TRAPPC12: variants seen among roughly 807,000 people sequenced by gnomAD.
TRAPPC12 encodes the protein trafficking protein particle complex subunit 12, also known as TPR repeat protein 15.
A neutral mutation model predicts 69.2 loss-of-function variants in TRAPPC12; 61 were observed. The observed-to-expected ratio is 0.88, with a 90% CI of 0.72 to 1.09. The LOEUF is 1.09. TRAPPC12 is among the 50% of genes least tolerant of loss of function. The pLI, the probability that TRAPPC12 is intolerant of heterozygous loss-of-function variation, is 0.00. For synonymous variants in TRAPPC12, 469 were observed against 438.9 expected (o/e 1.07, Z -0.86); for missense variants, 1,101 against 1,016.4 (o/e 1.08, Z -1.13).
At position 3,387,673 on chromosome 2, in the gene TRAPPC12, AC is replaced by A. The variant is rs757636155; in HGVS notation, c.56del (p.Pro19LeufsTer44). The A allele has an allele frequency of 5.8e-6, 9 of 1,555,848 alleles. No homozygotes were observed. In the South Asian group the frequency reaches 7.1e-5, roughly 12 times the overall value. On this transcript the variant is annotated frameshift_variant, in exon 2 of 12. Transcript: ENST00000324266. LOFTEE classifies it high-confidence loss of function. ...GAGACCCCGGCCCCGGAGGCCCCGC[AC>A]CCCCCTCAGCTCGCGCCTCCGGAGG... is the stretch of plus-strand genomic sequence containing the variant. The part of the protein sequence containing the change: ...GEETPAPEAP[H>X]PPQLAPPEEQ...
intron 2 of TRAPPC12, among the ~76,000 whole-genome samples, chr2:3,391,558 T>C (rs1376426311): frequency 6.6e-6 from 1 of 152,232 alleles, no homozygotes; most frequent in East Asian, 1.9e-4. Flanking sequence ...TTACTAATAT[T>C]CATTTACTAT....
intron 3 of TRAPPC12, among the ~76,000 whole-genome samples, chr2:3,403,571 A>G (rs1661572027): frequency 6.6e-6 from 1 of 152,228 alleles, no homozygotes; most frequent in South Asian, 2.1e-4. Flanking sequence ...TCCTAAAGAT[A>G]TAATAGTTGA....
intron 2 of TRAPPC12, among the ~76,000 whole-genome samples, chr2:3,394,512 T>A (rs1661008032): frequency 3.3e-5 from 5 of 151,880 alleles, no homozygotes; most frequent in Non-Finnish European, 7.4e-5. Flanking sequence ...TCCCAGCTAC[T>A]TGCGAGGCTG....
chr2:3,395,729 A>ATTTTTT (rs374787114), intron 2 of TRAPPC12, among the ~76,000 whole-genome samples: 1 of 137,342 alleles, frequency 7.3e-6, no homozygotes, highest in African/African-American at 2.7e-5. Flanking sequence ...CGCCCAGCTA[A>ATTTTTT]TTTTTTTTTT....
At chr2:3,386,651 T>C (rs1028048077) in intron 1 of TRAPPC12, among the ~76,000 whole-genome samples, 4 of 151,306 alleles carry the variant, frequency 2.6e-5, no homozygotes, top group Non-Finnish European at 5.9e-5. Context: ...ATTTTTCATG[T>C]CATTCGCACT....
At chr2:3,448,846 T>A (rs188148283) in intron 6 of TRAPPC12, among the ~76,000 whole-genome samples, 49 of 151,698 alleles carry the variant, frequency 3.2e-4, no homozygotes, top group Non-Finnish European at 6.0e-4. Flanking sequence ...GGGAAGCTGA[T>A]CCCCCACGGA....
chr2:3,429,145 T>C (rs1308877201), intron 5 of TRAPPC12, among the ~76,000 whole-genome samples: 2 of 152,222 alleles, frequency 1.3e-5, no homozygotes, highest in Admixed American at 6.5e-5. Context: ...AGAAGCCAAC[T>C]GGCTGGGGGT....
chr2:3,423,530 C>T (rs887547407), intron 4 of TRAPPC12, among the ~76,000 whole-genome samples: 2 of 151,756 alleles, frequency 1.3e-5, no homozygotes, highest in Non-Finnish European at 2.9e-5. Flanking sequence ...CCCCGGCACC[C>T]GCCATCTACT....
chr2:3,380,342 G>T (rs1660150189), intron 1 of TRAPPC12, among the ~76,000 whole-genome samples: 1 of 152,210 alleles, frequency 6.6e-6, no homozygotes, highest in African/African-American at 2.4e-5. Flanking sequence ...AGGCTGCAAT[G>T]CAGTGTAAAA....
intron 9 of TRAPPC12, among the ~76,000 whole-genome samples, chr2:3,474,216 A>C (rs1182731873): frequency 1.3e-5 from 2 of 152,194 alleles, no homozygotes; most frequent in Non-Finnish European, 2.9e-5. Flanking sequence ...GAATCTATGA[A>C]GGGGAGTTTA....
At chr2:3,459,874 C>G (rs1352638207) in intron 7 of TRAPPC12, 2 of 336,698 alleles carry the variant, frequency 5.9e-6, no homozygotes, top group Non-Finnish European at 1.1e-5. Context: ...CTGGCGGCCA[C>G]CCTGGCCAGT....
chr2:3,456,603 G>C (rs1320593698), intron 6 of TRAPPC12: 1 of 154,888 alleles, frequency 6.5e-6, no homozygotes, highest in African/African-American at 2.4e-5. Flanking sequence ...TTTAAAGACA[G>C]GGTCTCATTC....
At chr2:3,404,011 C>G (rs985716583) in intron 3 of TRAPPC12, among the ~76,000 whole-genome samples, 1 of 152,130 alleles carries the variant, frequency 6.6e-6, no homozygotes, top group African/African-American at 2.4e-5. Flanking sequence ...CAGACAAATC[C>G]TTATTATGTG....
chr2:3,451,913 A>G (rs1664871221), intron 6 of TRAPPC12, among the ~76,000 whole-genome samples: 1 of 152,238 alleles, frequency 6.6e-6, no homozygotes, highest in African/African-American at 2.4e-5. Flanking sequence ...CAAAGCCTTC[A>G]GTTGAAAGTG....
At chr2:3,445,953 T>C (rs979147234) in intron 6 of TRAPPC12, among the ~76,000 whole-genome samples, 21 of 152,226 alleles carry the variant, frequency 1.4e-4, no homozygotes, top group African/African-American at 4.8e-4. Context: ...GGCTGGGCCC[T>C]CCTGAGACTC....
At chr2:3,425,588 G>C (rs1054730321) in intron 5 of TRAPPC12, among the ~76,000 whole-genome samples, 2 of 152,168 alleles carry the variant, frequency 1.3e-5, no homozygotes, top group Non-Finnish European at 2.9e-5. Context: ...AGTACCAACT[G>C]TATTTGCTGG....
chr2:3,473,741 G>A (rs1049146267), intron 9 of TRAPPC12, among the ~76,000 whole-genome samples: 1 of 152,240 alleles, frequency 6.6e-6, no homozygotes, highest in Non-Finnish European at 1.5e-5. Context: ...AAAGTGCTGG[G>A]ATTACAGGCA....
At chr2:3,424,938 C>T (rs1227885923) in intron 5 of TRAPPC12, among the ~76,000 whole-genome samples, 2 of 152,196 alleles carry the variant, frequency 1.3e-5, no homozygotes, top group Admixed American at 6.5e-5. Flanking sequence ...GTGCAGGGGC[C>T]GGGTAGTAGA....
At chr2:3,468,005 T>C (rs1004257903) in intron 9 of TRAPPC12, 1 of 152,266 alleles carries the variant, frequency 6.6e-6, no homozygotes, top group Admixed American at 6.5e-5. Flanking sequence ...TGCTAGGGCC[T>C]TGTGGCCTGT....
Sources: gnomAD v4.1 joint callset for allele counts (sites outside exome capture counted in the v4.1 genomes callset) on GRCh38, gnomAD v4.1.1 for gene constraint, MANE v1.5 for transcripts, NCBI Gene and HGNC (gene_info 2026-07-23, HGNC 2026-07-21) for gene names.